Variants in TFEC observed in about 807,000 individuals in gnomAD.
TFEC encodes transcription factor EC, also known as class E basic helix-loop-helix protein 34.
Under a neutral mutation model 41.6 loss-of-function variants are expected in TFEC, and 31 were observed. That is an observed-to-expected ratio of 0.74 (90% confidence interval 0.56 to 1.01). TFEC has a LOEUF of 1.01. TFEC is among the 50% of genes least tolerant of loss of function. The pLI, the probability that TFEC is intolerant of heterozygous loss-of-function variation, is 0.00. For synonymous variants in TFEC, 143 were observed against 140.6 expected, an observed-to-expected ratio of 1.02 and a Z score of -0.12; for missense variants, 402 against 404.1, an observed-to-expected ratio of 0.99 and a Z score of 0.04.
chr7:116,057,395 A>T (rs1251359834), intron 3 of TFEC, among the ~76,000 whole-genome samples: 2 of 152,110 alleles, frequency 1.3e-5, no homozygotes, highest in South Asian at 2.1e-4. Context: ...ATGACAGCAG[A>T]TTTCTATCAC....
intron 6 of TFEC, among the ~76,000 whole-genome samples, chr7:115,947,490 G>A (rs1385014635): frequency 1.3e-5 from 2 of 151,574 alleles, no homozygotes; most frequent in Admixed American, 6.6e-5. Context: ...CTAAGGAATC[G>A]CCACACTGAC....
At chr7:116,058,099 A>AT (rs1448833706) in intron 3 of TFEC, among the ~76,000 whole-genome samples, 1 of 151,818 alleles carries the variant, frequency 6.6e-6, no homozygotes. Context: ...GTTAGATTGT[A>AT]TTTTTTTAAT....
At chr7:115,971,488 C>A (rs1378356639) in intron 3 of TFEC, among the ~76,000 whole-genome samples, 1 of 151,752 alleles carries the variant, frequency 6.6e-6, no homozygotes, top group African/African-American at 2.4e-5. Context: ...TTTTTCCTCA[C>A]TTTATCTACC....
In TFEC at chr7:115,939,593, T is replaced by A. The variant is rs1004625489; in HGVS notation, c.*958A>T. ...CTAATTGATTTCTGTCCAATACTGA[T>A]GAAAAGTTTTAAGTACCTGAAAACT... On this transcript the variant is annotated 3_prime_UTR_variant, in exon 8 of 8. Transcript: ENST00000265440. 1.3e-5 allele frequency: 2 copies of A among 152,040 alleles called. No homozygotes were observed. The highest frequency in any genetic ancestry group is 4.8e-5 in the African/African-American group (2 of 41,434). The allele number at this position is 152,040 out of a possible 1,614,324, so 9.4% of individuals were successfully genotyped here.
chr7:116,083,012 GC>G (rs1797125354), intron 3 of TFEC, among the ~76,000 whole-genome samples: 1 of 151,818 alleles, frequency 6.6e-6, no homozygotes, highest in Non-Finnish European at 1.5e-5. Context: ...GATACGTTAT[GC>G]TTTTAATAAA....
chr7:115,940,950 A>T lies in TFEC; in HGVS notation c.664-19T>A, dbSNP rs750677350. The stretch of plus-strand genomic sequence containing the variant: ...CTAGTTCCTGTAATTTCAAACGAAA[A>T]TCATTAAATAATGTCTTTGAAATTG... On this transcript the variant is annotated intron_variant, in intron 7 of 7. Transcript: ENST00000265440. The T allele has an allele frequency of 1.2e-5, 19 of 1,544,450 alleles. No individual in the cohort carries two copies. The highest frequency in any genetic ancestry group is 1.2e-4 in the Admixed American group (6 of 49,556).
chr7:116,150,172 T>C (rs1296051101), intron 1 of TFEC, among the ~76,000 whole-genome samples: 2 of 152,186 alleles, frequency 1.3e-5, no homozygotes, highest in Admixed American at 1.3e-4. Flanking sequence ...AGTATAGTTG[T>C]TATGCTTTGT....
chr7:116,137,688 G>A (rs1043397838), intron 1 of TFEC, among the ~76,000 whole-genome samples: 1 of 152,034 alleles, frequency 6.6e-6, no homozygotes, highest in Admixed American at 6.6e-5. Flanking sequence ...TACACACACT[G>A]CATCAACAGT....
chr7:115,937,997 T>C lies in TFEC; in HGVS notation c.*2554A>G, dbSNP rs1362897526. Reference sequence around the variant, plus strand: ...GTTGACCGGGACACAGCATAACTCTTTACTCTCTTTAAAAATTCATTACCC... The same window carrying C: ...GTTGACCGGGACACAGCATAACTCTCTACTCTCTTTAAAAATTCATTACCC... On this transcript the variant is annotated 3_prime_UTR_variant, in exon 8 of 8. Transcript: ENST00000265440. The C allele has an allele frequency of 6.6e-6, 1 of 151,882 alleles. No individual in the cohort carries two copies. The highest frequency in any genetic ancestry group is 2.4e-5 in the African/African-American group (1 of 41,424). 9.4% of individuals were successfully genotyped at this position (151,882 alleles called of 1,614,324 possible).
At chr7:116,014,086 T>G (rs1795102367) in intron 1 of TFEC, among the ~76,000 whole-genome samples, 1 of 152,120 alleles carries the variant, frequency 6.6e-6, no homozygotes, top group Non-Finnish European at 1.5e-5. Context: ...AATTTTAGTT[T>G]CTTGAGATCA....
At chr7:115,986,667 A>T (rs1793870395) in intron 1 of TFEC, among the ~76,000 whole-genome samples, 1 of 149,294 alleles carries the variant, frequency 6.7e-6, no homozygotes, top group Admixed American at 6.7e-5. Flanking sequence ...TAGACACCAC[A>T]TGTTCTCACT....
chr7:115,965,197 G>T (rs1792783455), intron 3 of TFEC, among the ~76,000 whole-genome samples: 1 of 151,614 alleles, frequency 6.6e-6, no homozygotes, highest in African/African-American at 2.4e-5. Flanking sequence ...TAAATAGTTT[G>T]ACATAATATT....
At chr7:116,026,348 C>T (rs1795585113) in intron 1 of TFEC, among the ~76,000 whole-genome samples, 2 of 152,176 alleles carry the variant, frequency 1.3e-5, no homozygotes, top group African/African-American at 4.8e-5. Flanking sequence ...GAACCCTTTC[C>T]AGATTGGCAG....
At chr7:116,065,015 C>G (rs1205770607) in intron 3 of TFEC, among the ~76,000 whole-genome samples, 1 of 152,124 alleles carries the variant, frequency 6.6e-6, no homozygotes, top group African/African-American at 2.4e-5. Flanking sequence ...GGATTGTTCT[C>G]CTGAAAACAG....
chr7:116,023,896 A>C (rs1426622571), intron 1 of TFEC, among the ~76,000 whole-genome samples: 2 of 152,102 alleles, frequency 1.3e-5, no homozygotes, highest in Non-Finnish European at 2.9e-5. Context: ...CCAAATCTCC[A>C]ATGACAAAGC....
intron 2 of TFEC, among the ~76,000 whole-genome samples, chr7:115,983,341 A>T (rs1022235847): frequency 2.0e-5 from 3 of 152,078 alleles, no homozygotes; most frequent in Non-Finnish European, 4.4e-5. Flanking sequence ...AAATTTGTTT[A>T]AAAAAATTCT....
At chr7:116,120,019 G>A (rs1405947583) in intron 1 of TFEC, 1 of 151,528 alleles carries the variant, frequency 6.6e-6, no homozygotes. Context: ...TAGAGCTGCA[G>A]TGAATGTTAT....
intron 3 of TFEC, among the ~76,000 whole-genome samples, chr7:116,086,326 C>T (rs1192990210): frequency 6.6e-6 from 1 of 151,758 alleles, no homozygotes; most frequent in African/African-American, 2.4e-5. Flanking sequence ...ATAATGAACA[C>T]TTTCTTAAAA....
At chr7:116,064,729 C>A (rs1330775825) in intron 3 of TFEC, among the ~76,000 whole-genome samples, 1 of 151,972 alleles carries the variant, frequency 6.6e-6, no homozygotes, top group African/African-American at 2.4e-5. Flanking sequence ...AAAAGAGAAG[C>A]AGCTGAATTA....
Sources: allele counts gnomAD v4.1 joint callset (sites outside exome capture counted in the v4.1 genomes callset), GRCh38; gene constraint gnomAD v4.1.1; transcripts MANE v1.5; gene names NCBI Gene and HGNC (gene_info 2026-07-23, HGNC 2026-07-21).